ABCC4: variants seen among roughly 807,000 people sequenced by gnomAD.
ABCC4 encodes the protein ATP binding cassette subfamily C member 4 (PEL blood group).
In ABCC4, 102 loss-of-function variants were observed where a neutral mutation model predicts 168.5. The ratio of observed to expected loss-of-function variants is 0.61; its 90% CI spans 0.52 to 0.71. The LOEUF is 0.71. Ranked by LOEUF, ABCC4 falls within the 30% of genes least tolerant of loss-of-function variation. The probability of loss-of-function intolerance (pLI) is 0.00; values close to 1 mark genes in which losing one functional copy is unlikely to be tolerated. For synonymous variants in ABCC4, 617 were observed against 590.7 expected (o/e 1.04, Z -0.65); for missense variants, 1,402 against 1,605.8 (o/e 0.87, Z 2.17).
At chr13:95,117,697 AG>A (rs2035426865) in intron 19 of ABCC4, among the ~76,000 whole-genome samples, 1 of 152,096 alleles carries the variant, frequency 6.6e-6, no homozygotes, top group South Asian at 2.1e-4. Flanking sequence ...TTATTTCTTA[AG>A]TGGAAAAGTT....
chr13:95,287,523 G>A (rs1311890343), intron 1 of ABCC4, among the ~76,000 whole-genome samples: 1 of 151,884 alleles, frequency 6.6e-6, no homozygotes, highest in South Asian at 2.1e-4. Flanking sequence ...GGAGGTAGAA[G>A]TTGCAGTGAG....
chr13:95,067,514 C>T (rs1040261594), intron 25 of ABCC4, among the ~76,000 whole-genome samples: 135 of 152,018 alleles, frequency 8.9e-4, no homozygotes, highest in African/African-American at 3.1e-3. Context: ...AATGCAGGGG[C>T]AGGAGTGGGG....
rs199841605 is a variant in ABCC4, at chr13:95,021,552, C to T, written c.*23G>A. ...AAACTAGTGGAAAATGCCTTCGGAA[C>T]GGACTTGACATTTTGGTTGGATTCA... On this transcript the variant is annotated 3_prime_UTR_variant, in exon 31 of 31. Coordinates refer to ENST00000645237, the MANE Select transcript of ABCC4 (RefSeq NM_005845.5). The T allele has an allele frequency of 2.7e-4, 410 of 1,536,960 alleles. 1 individual carries two copies. In the Middle Eastern group the frequency reaches 3.6e-3, roughly 13 times the overall value.
chr13:95,204,674 T>G (rs1245949409), intron 8 of ABCC4, among the ~76,000 whole-genome samples: 1 of 152,204 alleles, frequency 6.6e-6, no homozygotes, highest in Non-Finnish European at 1.5e-5. Flanking sequence ...AAGTTCTTTA[T>G]AGCAATATAA....
At chr13:95,062,513 G>C (rs761165806) in intron 26 of ABCC4, among the ~76,000 whole-genome samples, 191 bp downstream of exon 26, 886 of 62,428 alleles carry the variant, frequency 0.014, 3 homozygotes, top group Middle Eastern at 0.035. Flanking sequence ...CACACAGAGA[G>C]AGAGAGAAAT....
intron 19 of ABCC4, among the ~76,000 whole-genome samples, chr13:95,127,751 A>G (rs2035834477): frequency 6.6e-6 from 1 of 152,074 alleles, no homozygotes; most frequent in African/African-American, 2.4e-5. Flanking sequence ...CTCCCAAACC[A>G]GACTGTGCAA....
chr13:95,108,582 C>T (rs1364530342), intron 20 of ABCC4, among the ~76,000 whole-genome samples: 1 of 152,100 alleles, frequency 6.6e-6, no homozygotes, highest in Non-Finnish European at 1.5e-5. Context: ...CCTCCTTCAC[C>T]TTCCACCATG....
intron 4 of ABCC4, among the ~76,000 whole-genome samples, chr13:95,227,242 T>C (rs1295058990): frequency 1.3e-5 from 2 of 152,216 alleles, no homozygotes; most frequent in Non-Finnish European, 2.9e-5. Flanking sequence ...TAACTTGCTT[T>C]CTTAGCTCAA....
chr13:95,081,659 C>T (rs984233862), intron 21 of ABCC4, among the ~76,000 whole-genome samples: 2 of 152,190 alleles, frequency 1.3e-5, no homozygotes, highest in Non-Finnish European at 2.9e-5. Context: ...CTTTTATGGA[C>T]TGTCACCCCT....
At chr13:95,288,440 T>A (rs1274161865) in intron 1 of ABCC4, among the ~76,000 whole-genome samples, 1 of 152,116 alleles carries the variant, frequency 6.6e-6, no homozygotes, top group Non-Finnish European at 1.5e-5. Context: ...AACAATTTAG[T>A]AAAAAAGTCG....
chr13:95,283,077 G>A (rs146882948), intron 1 of ABCC4, among the ~76,000 whole-genome samples: 2,644 of 151,566 alleles, frequency 0.017, 70 homozygotes, highest in African/African-American at 0.06. Context: ...TTAGCCTGGC[G>A]CGGTGGCACG....
Position 95,291,555 on chromosome 13 carries a change from G to A in ABCC4, c.74+9686C>T, listed in dbSNP as rs563514839. ...CCATCCTTTCTAGCATTCAGACTAC[G>A]AAAGTGTTCCAAGAACTTTCAACAG... is the stretch of plus-strand genomic sequence containing the variant. On this transcript the variant is annotated intron_variant, in intron 1 of 30. Coordinates refer to ENST00000645237, the MANE Select transcript of ABCC4 (RefSeq NM_005845.5). Among the ~76,000 whole-genome samples the A allele has an allele frequency of 9.2e-5, 14 of 152,136 alleles. No individual in the cohort carries two copies. The South Asian group carries it at 2.1e-3, about 23-fold the overall frequency.
chr13:95,158,758 G>A (rs76894546), intron 19 of ABCC4, among the ~76,000 whole-genome samples: 1,896 of 152,084 alleles, frequency 0.012, 42 homozygotes, highest in East Asian at 0.08. Flanking sequence ...CACTATCATA[G>A]AGGGGAATTT....
intron 19 of ABCC4, among the ~76,000 whole-genome samples, chr13:95,144,778 G>A (rs976545042): frequency 1.3e-5 from 2 of 152,048 alleles, no homozygotes; most frequent in Non-Finnish European, 2.9e-5. Flanking sequence ...CTCATGGATA[G>A]GAATATTGTC....
At chr13:95,229,801 T>C (rs1465264474) in intron 4 of ABCC4, among the ~76,000 whole-genome samples, 2 of 152,162 alleles carry the variant, frequency 1.3e-5, no homozygotes, top group Non-Finnish European at 2.9e-5. Flanking sequence ...AAATGGGAGA[T>C]CCAGTCTCAC....
At chr13:95,299,298 C>A (rs1020666553) in intron 1 of ABCC4, among the ~76,000 whole-genome samples, 12 of 150,140 alleles carry the variant, frequency 8.0e-5, no homozygotes, top group Non-Finnish European at 1.2e-4. Flanking sequence ...CCTTGCCCTG[C>A]CTGAAGTTGA....
At chr13:95,135,079 C>T (rs974709455) in intron 19 of ABCC4, among the ~76,000 whole-genome samples, 1 of 152,130 alleles carries the variant, frequency 6.6e-6, no homozygotes, top group African/African-American at 2.4e-5. Context: ...GTCTCCCTTA[C>T]GCAAAAGCTA....
At chr13:95,074,779 CCTCA>C (rs1317051262) in intron 22 of ABCC4, among the ~76,000 whole-genome samples, 21 of 152,166 alleles carry the variant, frequency 1.4e-4, no homozygotes, top group Non-Finnish European at 2.6e-4. Flanking sequence ...ATAAAAATGA[CCTCA>C]CTAACAGGAT....
intron 4 of ABCC4, among the ~76,000 whole-genome samples, chr13:95,228,280 T>C (rs1254320166): frequency 6.6e-6 from 1 of 152,012 alleles, no homozygotes; most frequent in African/African-American, 2.4e-5. Flanking sequence ...TGACGGTGCA[T>C]TTATTTTTTT....
Sources: allele counts gnomAD v4.1 joint callset (sites outside exome capture counted in the v4.1 genomes callset), GRCh38; gene constraint gnomAD v4.1.1; transcripts MANE v1.5; gene names NCBI Gene and HGNC (gene_info 2026-07-23, HGNC 2026-07-21).